CAPN13: variants seen among roughly 807,000 people sequenced by gnomAD.
The protein encoded by CAPN13 is calpain 13.
CAPN13 carries 90 observed loss-of-function variants against 98.4 expected under a neutral mutation model. That is an observed-to-expected ratio of 0.92 (90% CI 0.77 to 1.09). CAPN13 has a LOEUF of 1.09. Among genes scored for constraint, CAPN13 ranks in the 50% least tolerant of loss-of-function variants. The pLI, the probability that CAPN13 is intolerant of heterozygous loss-of-function variation, is 0.00. For missense variants in CAPN13, 887 were observed against 841.3 expected (o/e 1.05, Z -0.67); for synonymous variants, 330 against 305.5 (o/e 1.08, Z -0.84).
chr2:30,730,751 C>T lies in CAPN13; in HGVS notation c.*9G>A. 1.3e-6 allele frequency: 1 copy of T among 780,892 alleles called. No individual in the cohort carries two copies. Among genetic ancestry groups the T allele is most frequent in the Non-Finnish European group, 2.4e-6 (1 of 417,980 alleles). 48.4% of individuals were successfully genotyped at this position (780,892 alleles called of 1,614,324 possible). A position where few individuals can be genotyped will look rare whatever the true frequency, so the allele number is the denominator to read the frequency against. ...TTACCTGAGCCATGGGTCTGCTTTC[C>T]TCTTTGCTTCAGTTGTACATGACCA... On this transcript the variant is annotated 3_prime_UTR_variant, in exon 22 of 23. Coordinates refer to ENST00000295055, the MANE Select transcript of CAPN13 (RefSeq NM_144575.3).
At chr2:30,787,596 A>G (rs1674363646) in intron 1 of CAPN13, among the ~76,000 whole-genome samples, 1 of 152,182 alleles carries the variant, frequency 6.6e-6, no homozygotes, top group Admixed American at 6.5e-5. Context: ...CGTGCACAAG[A>G]GGCTATGGGG....
At chr2:30,794,810 T>TA (rs1008978204) in intron 1 of CAPN13, among the ~76,000 whole-genome samples, 27 of 151,894 alleles carry the variant, frequency 1.8e-4, no homozygotes, top group Non-Finnish European at 2.7e-4. Flanking sequence ...ACTCCATTTA[T>TA]AAAAAAATCC....
At position 30,731,380 on chromosome 2, in the gene CAPN13, A is replaced by G; in HGVS notation, c.1947T>C (p.Ser649=). The G allele has an allele frequency of 6.2e-7, 1 of 1,610,916 alleles. No homozygotes were observed. Among genetic ancestry groups the G allele is most frequent in the Non-Finnish European group, 8.5e-7 (1 of 1,178,480 alleles). ...TCAGGTAGAGTCCTTTTCCATCCTT[A>G]GAGAGGTTGCGGAAGGTCTCTAGGA... is the stretch of plus-strand genomic sequence containing the variant. ...EAMAKTFRNL[S]KDGKGLYLTE... is the part of the protein sequence containing the mutation. The change falls in exon 21 of 23, where the codon TCT becomes TCC. Residue 649 remains serine (S), a synonymous_variant. Coordinates refer to ENST00000295055, the MANE Select transcript of CAPN13 (RefSeq NM_144575.3).
intron 1 of CAPN13, among the ~76,000 whole-genome samples, chr2:30,800,081 GAAAGAAAGAAAGA>G (rs1558351154): frequency 1.7e-5 from 2 of 115,192 alleles, no homozygotes; most frequent in East Asian, 2.5e-4. Context: ...CTCAAAAAAA[GAAAGAAAGAAAGA>G]AAAGAAAGAA....
chr2:30,724,090 C>T (rs72613852), intron 22 of CAPN13, among the ~76,000 whole-genome samples: 5,896 of 152,220 alleles, frequency 0.039, 202 homozygotes, highest in East Asian at 0.14. Flanking sequence ...GGTGGGGTTG[C>T]TTCTAACCCC....
chr2:30,726,140 C>T (rs570298782), intron 22 of CAPN13, among the ~76,000 whole-genome samples: 1 of 152,296 alleles, frequency 6.6e-6, no homozygotes, highest in East Asian at 1.9e-4. Context: ...TAGCAACAAA[C>T]AAGACATACC....
intron 5 of CAPN13, among the ~76,000 whole-genome samples, chr2:30,767,163 C>T (rs1673154802): frequency 6.6e-6 from 1 of 152,208 alleles, no homozygotes. Flanking sequence ...GCCATTTCAC[C>T]TCGCTGAGCC....
intron 22 of CAPN13, 45 bp downstream of exon 22, chr2:30,730,685 C>T (rs903633312): frequency 7.5e-5 from 58 of 776,256 alleles, no homozygotes; most frequent in Non-Finnish European, 1.3e-4. Context: ...GGAAGGAGGA[C>T]TCATGCTCCC....
In CAPN13 at chr2:30,738,288, G is replaced by C; in HGVS notation, c.1600C>G (p.Pro534Ala). The C allele has an allele frequency of 6.2e-7, 1 of 1,613,956 alleles. No homozygotes were observed. The highest frequency in any genetic ancestry group is 8.5e-7 in the Non-Finnish European group (1 of 1,179,882). ...TCATCTAAGGAGAACATGTCCCCTGGAGGTCCTGAGGAGAGAAGGACAGGA... is the reference window on the plus strand; with the variant it reads ...TCATCTAAGGAGAACATGTCCCCTGCAGGTCCTGAGGAGAGAAGGACAGGA... ...LLNQELLTGP[P>A]GDMFSLDECR... The change falls in exon 17 of 23, where the codon CCA becomes GCA. Residue 534 changes from proline (P) to alanine (A), a missense_variant. Pro to Ala is a conservative substitution (Grantham distance 27). Coordinates refer to ENST00000295055, the MANE Select transcript of CAPN13 (RefSeq NM_144575.3).
rs563512554 is a variant in CAPN13 at position 30,782,463 on chromosome 2, C to A, written c.198+4665G>T. Among the ~76,000 whole-genome samples the A allele has an allele frequency of 4.6e-5, 7 of 152,306 alleles. No individual in the cohort carries two copies. The South Asian group carries it at 1.4e-3, about 32-fold the overall frequency. On this transcript the variant is annotated intron_variant, in intron 2 of 22. Transcript: ENST00000295055. ...GGTCACTTTCTGCCATTTTTTGTTACCTATTGCCTTATGGAACATTTTCAT... is the reference window on the plus strand; with the variant it reads ...GGTCACTTTCTGCCATTTTTTGTTAACTATTGCCTTATGGAACATTTTCAT...
intron 18 of CAPN13, among the ~76,000 whole-genome samples, chr2:30,735,125 CG>C (rs1671294695): frequency 6.6e-6 from 1 of 152,160 alleles, no homozygotes; most frequent in African/African-American, 2.4e-5. Flanking sequence ...AGGTGGCAAC[CG>C]GAACATATCA....
chr2:30,783,933 C>T (rs887093881), intron 2 of CAPN13, among the ~76,000 whole-genome samples: 1 of 152,112 alleles, frequency 6.6e-6, no homozygotes. Context: ...GTAATCCCAG[C>T]ACTTTGGGAG....
intron 1 of CAPN13, among the ~76,000 whole-genome samples, chr2:30,787,778 G>T (rs1197151850): frequency 6.6e-6 from 1 of 152,160 alleles, no homozygotes; most frequent in African/African-American, 2.4e-5. Context: ...AGAGAGGGTG[G>T]GTAGGAAGTG....
intron 8 of CAPN13, among the ~76,000 whole-genome samples, chr2:30,754,658 T>C (rs1672351501): frequency 6.6e-6 from 1 of 152,172 alleles, no homozygotes; most frequent in South Asian, 2.1e-4. Context: ...ACTGTACCCA[T>C]CCTCTGCCAC....
At chr2:30,764,480 C>CTCCAG (rs1397398927) in intron 5 of CAPN13, among the ~76,000 whole-genome samples, 174 bp from the exon 6 acceptor site, 1 of 152,184 alleles carries the variant, frequency 6.6e-6, no homozygotes, top group African/African-American at 2.4e-5. Flanking sequence ...CTGTCTGCAG[C>CTCCAG]TCCAGGGGCT....
Position 30,775,994 on chromosome 2 carries a change from T to G in CAPN13, c.323A>C (p.Tyr108Ser), listed in dbSNP as rs1673671165. 6.2e-7 allele frequency: 1 copy of G among 1,613,346 alleles called. No homozygotes were observed. The highest frequency in any genetic ancestry group is 8.5e-7 in the Non-Finnish European group (1 of 1,179,586). ...ALGSLTQNPQ[Y>S]RQKILMVQSF... ...TTGGACCATCAGGATCTTCTGCCTG[T>G]ACTGTGGGTTCTGAGTCAAGGATCC... The change falls in exon 4 of 23, where the codon TAC becomes TCC. Residue 108 changes from tyrosine (Y) to serine (S), a missense_variant. Transcript: ENST00000295055.
chr2:30,775,875 C>T (rs1210163081), intron 4 of CAPN13, 55 bp downstream of exon 4: 7 of 1,337,992 alleles, frequency 5.2e-6, no homozygotes, highest in African/African-American at 2.9e-5. Flanking sequence ...CTTTCACCTT[C>T]CCTGTACTCA....
At chr2:30,723,464 A>AC (rs534800945) in intron 22 of CAPN13, among the ~76,000 whole-genome samples, 6 of 151,148 alleles carry the variant, frequency 4.0e-5, no homozygotes, top group South Asian at 2.1e-4. Context: ...CTTAAAGGGC[A>AC]CCCCCCCACC....
chr2:30,790,032 G>A (rs2148080554), intron 1 of CAPN13, among the ~76,000 whole-genome samples: 1 of 152,316 alleles, frequency 6.6e-6, no homozygotes, highest in South Asian at 2.1e-4. Context: ...TCTGGGAGGA[G>A]ACTCTTGATG....
Sources: gnomAD v4.1 joint callset for allele counts (sites outside exome capture counted in the v4.1 genomes callset) on GRCh38, gnomAD v4.1.1 for gene constraint, MANE v1.5 for transcripts, NCBI Gene and HGNC (gene_info 2026-07-23, HGNC 2026-07-21) for gene names.